The following TMPRSS2 variants were observed in gnomAD, a reference collection of about 807,000 sequenced individuals.
TMPRSS2 encodes the protein transmembrane protease serine 2.
Under a neutral mutation model 67.4 loss-of-function variants are expected in TMPRSS2, and 59 were observed. That is an observed-to-expected ratio of 0.88 (90% confidence interval 0.71 to 1.09). The LOEUF is 1.09. Among genes scored for constraint, TMPRSS2 ranks in the 50% least tolerant of loss-of-function variants. TMPRSS2 has a pLI of 0.00. For missense variants in TMPRSS2, 668 were observed against 642.7 expected, an observed-to-expected ratio of 1.04 and a Z score of -0.43; for synonymous variants, 257 against 257.0, an observed-to-expected ratio of 1.00 and a Z score of 0.00.
chr21:41,479,461 A>G (rs1311879599), intron 6 of TMPRSS2, among the ~76,000 whole-genome samples, 179 bp from the exon 7 acceptor site: 6 of 152,220 alleles, frequency 3.9e-5, no homozygotes, highest in African/African-American at 9.6e-5. Flanking sequence ...TTTCGATTCA[A>G]TAACCCTAAA....
intron 2 of TMPRSS2, among the ~76,000 whole-genome samples, chr21:41,496,896 A>G (rs2091387368): frequency 8.1e-6 from 1 of 123,990 alleles, no homozygotes; most frequent in Non-Finnish European, 1.6e-5. Context: ...GCTGGAGTGC[A>G]GTGGTGCGAT....
chr21:41,502,315 A>G, intron 1 of TMPRSS2: 1 of 922,316 alleles, frequency 1.1e-6, no homozygotes, highest in Non-Finnish European at 1.3e-6. Context: ...TTAGGCTTGT[A>G]GACACTGACT....
intron 1 of TMPRSS2, among the ~76,000 whole-genome samples, chr21:41,502,767 G>A (rs528568210): frequency 1.2e-4 from 19 of 152,234 alleles, no homozygotes; most frequent in African/African-American, 4.1e-4. Context: ...AAGGTTGAGC[G>A]AGAAACAGAA....
chr21:41,476,090 G>A (rs189425119), intron 8 of TMPRSS2, among the ~76,000 whole-genome samples: 13 of 152,236 alleles, frequency 8.5e-5, no homozygotes, highest in East Asian at 1.9e-4. Flanking sequence ...CTAAGCCACC[G>A]TCCAAAATTC....
At chr21:41,484,379 G>A (rs756417985) in intron 5 of TMPRSS2, among the ~76,000 whole-genome samples, 11 of 152,134 alleles carry the variant, frequency 7.2e-5, no homozygotes, top group East Asian at 1.9e-4. Flanking sequence ...GGATAGCAAC[G>A]GAAGTAGAAA....
At chr21:41,505,459 A>G (rs2146513901) in intron 1 of TMPRSS2, among the ~76,000 whole-genome samples, 1 of 152,340 alleles carries the variant, frequency 6.6e-6, no homozygotes, top group South Asian at 2.1e-4. Flanking sequence ...GGTTACTGGC[A>G]TAAGGTACTG....
At chr21:41,481,667 T>G (rs1189516200) in intron 5 of TMPRSS2, among the ~76,000 whole-genome samples, 1 of 152,168 alleles carries the variant, frequency 6.6e-6, no homozygotes, top group Non-Finnish European at 1.5e-5. Context: ...AAATTATATC[T>G]CAATAAGCTA....
chr21:41,470,813 T>G (rs573482152), intron 10 of TMPRSS2, 70 bp from the exon 11 acceptor site: 1 of 1,334,734 alleles, frequency 7.5e-7, no homozygotes, highest in African/African-American at 1.4e-5. Context: ...CCTTCCCACA[T>G]GCAGGCTGCT....
intron 13 of TMPRSS2, among the ~76,000 whole-genome samples, chr21:41,466,681 G>A (rs777372920): frequency 2.0e-5 from 3 of 152,218 alleles, no homozygotes; most frequent in African/African-American, 4.8e-5. Flanking sequence ...TCATTTGAAG[G>A]AGACACAGGT....
Position 41,468,467 on chromosome 21 carries a change from C to A in TMPRSS2, c.1243G>T (p.Val415Phe). 6.2e-7 allele frequency: 1 copy of A among 1,614,206 alleles called. No homozygotes were observed. Among genetic ancestry groups the A allele is most frequent in the Non-Finnish European group, 8.5e-7 (1 of 1,180,042 alleles). Residue 415 changes from valine to phenylalanine, a missense_variant, in exon 12 of 14, where the codon GTC (valine) becomes TTC (phenylalanine). Val to Phe is a conservative substitution (Grantham distance 50). Coordinates refer to ENST00000332149, the MANE Select transcript of TMPRSS2 (RefSeq NM_005656.4). ...IETQRCNSRY[V>F]YDNLITPAMI... ...GCTGGTGTGATCAGGTTGTCATAGA[C>A]ATATCTGCTGTTGCATCTCTGTGTC...
intron 3 of TMPRSS2, 126 bp from the exon 4 acceptor site, chr21:41,489,719 G>A (rs910031175): frequency 5.2e-5 from 33 of 634,608 alleles, no homozygotes; most frequent in Non-Finnish European, 8.6e-5. Context: ...ACTTAAAAAT[G>A]TGACTTTTAA....
At chr21:41,488,545 C>T in intron 4 of TMPRSS2, 32 bp from the exon 5 acceptor site, 1 of 1,594,126 alleles carries the variant, frequency 6.3e-7, no homozygotes, top group Non-Finnish European at 8.6e-7. Flanking sequence ...AGGTGCCCTT[C>T]AGGCTGAGAA....
chr21:41,495,169 C>T (rs574708698), intron 2 of TMPRSS2, among the ~76,000 whole-genome samples: 11 of 151,900 alleles, frequency 7.2e-5, no homozygotes, highest in African/African-American at 2.7e-4. Context: ...TAAAAACTAA[C>T]CAGAACTTTC....
Position 41,498,138 on chromosome 21 carries a change from C to T in TMPRSS2, c.-5G>A. On this transcript the variant is annotated 5_prime_UTR_variant, in exon 2 of 14. Coordinates refer to ENST00000332149, the MANE Select transcript of TMPRSS2 (RefSeq NM_005656.4). ...ACTTACTGAGTTCAAAGCCATCTTG[C>T]TGTTATCAACAGCATCGAGTAATGA... 1 of 1,612,616 alleles carries T rather than the reference C, an allele frequency of 6.2e-7. No homozygotes were observed. The highest frequency in any genetic ancestry group is 8.5e-7 in the Non-Finnish European group (1 of 1,178,938).
At chr21:41,484,614 T>C (rs1192947645) in intron 5 of TMPRSS2, among the ~76,000 whole-genome samples, 1 of 152,186 alleles carries the variant, frequency 6.6e-6, no homozygotes, top group Non-Finnish European at 1.5e-5. Context: ...CTGTTTCCTT[T>C]TATATGAATA....
At chr21:41,501,428 G>A (rs1042569272) in intron 1 of TMPRSS2, among the ~76,000 whole-genome samples, 1 of 152,084 alleles carries the variant, frequency 6.6e-6, no homozygotes, top group Admixed American at 6.5e-5. Flanking sequence ...GGCCAACATA[G>A]TGAAACCCCA....
At position 41,466,153 on chromosome 21, in the gene TMPRSS2, C is replaced by G. The variant is rs2091081431; in HGVS notation, c.1468G>C (p.Ala490Pro). ...GAAGACCATGTGGATTAGCCGTCTG[C>G]CTGTTCAAATAGGAAAAAAAAAAGT... Reference protein sequence around the residue: ...FTDWIYRQMRADG With the variant: ...FTDWIYRQMRPDG The change falls in exon 14 of 14, where the codon GCA becomes CCA. Residue 490 changes from alanine (A) to proline (P), a missense_variant and splice_region_variant. Physicochemically the swap from Ala to Pro is conservative, Grantham distance 27. Transcript: ENST00000332149. 1.9e-6 allele frequency: 3 copies of G among 1,613,854 alleles called. No individual in the cohort carries two copies. Among genetic ancestry groups the G allele is most frequent in the Non-Finnish European group, 2.5e-6 (3 of 1,179,950 alleles).
At chr21:41,473,928 T>A (rs908974697) in intron 8 of TMPRSS2, among the ~76,000 whole-genome samples, 1 of 66,472 alleles carries the variant, frequency 1.5e-5, no homozygotes, top group Non-Finnish European at 2.9e-5. Flanking sequence ...AGTGAGGGAG[T>A]GAGTGAGGAG....
intron 9 of TMPRSS2, 150 bp from the exon 10 acceptor site, chr21:41,472,131 GTCT>G: frequency 1.6e-6 from 1 of 638,830 alleles, no homozygotes; most frequent in Non-Finnish European, 2.5e-6. Context: ...GAGGTGCTCG[GTCT>G]CCCCTTCTCC....
Sources: allele counts gnomAD v4.1 joint callset (sites outside exome capture counted in the v4.1 genomes callset), GRCh38; gene constraint gnomAD v4.1.1; transcripts MANE v1.5; gene names NCBI Gene and HGNC (gene_info 2026-07-23, HGNC 2026-07-21).